Variants in BRK1 observed in about 807,000 individuals in gnomAD.
The protein encoded by BRK1 is BRICK1 subunit of SCAR/WAVE actin nucleating complex.
BRK1 carries 6 observed loss-of-function variants against 9.9 expected under a neutral mutation model. The observed-to-expected ratio is 0.60, with a 90% CI of 0.33 to 1.19. The LOEUF (loss-of-function observed/expected upper bound fraction) is 1.19, where lower values mean the gene tolerates loss of function less well. Ranked by LOEUF, BRK1 falls within the 50% of genes most tolerant of loss-of-function variation. BRK1 has a pLI of 0.04. For missense variants in BRK1, 62 were observed against 97.5 expected, an observed-to-expected ratio of 0.64 and a Z score of 1.53; for synonymous variants, 44 against 31.9, an observed-to-expected ratio of 1.38 and a Z score of -1.28.
Position 10,119,053 on chromosome 3 carries a change from C to T in BRK1, c.118+3234C>T, listed in dbSNP as rs191604791. 8.8e-4 allele frequency among the ~76,000 whole-genome samples: 132 copies of T among 150,116 alleles called. 1 individual carries two copies. Among genetic ancestry groups the T allele is most frequent in the Non-Finnish European group, 1.6e-3 (106 of 67,830 alleles). ...TTGAGACGGAGTCTTGTTCTGTTGCCTGGAGTGCAGTGGTGCGATCTCGGC... is the reference window on the plus strand; with the variant it reads ...TTGAGACGGAGTCTTGTTCTGTTGCTTGGAGTGCAGTGGTGCGATCTCGGC... On this transcript the variant is annotated intron_variant, in intron 1 of 2. Coordinates refer to ENST00000530758, the MANE Select transcript of BRK1 (RefSeq NM_018462.5).
chr3:10,122,566 A>T lies in BRK1; in HGVS notation c.119-3060A>T, dbSNP rs539672169. On this transcript the variant is annotated intron_variant, in intron 1 of 2. Coordinates refer to ENST00000530758, the MANE Select transcript of BRK1 (RefSeq NM_018462.5). Reference sequence around the variant, plus strand: ...TACCAAAACAAAAAACAAAAAAATTAGCCAGGCACAGTGGCATCCACCTAC... The same window carrying T: ...TACCAAAACAAAAAACAAAAAAATTTGCCAGGCACAGTGGCATCCACCTAC... Among the ~76,000 whole-genome samples the T allele has an allele frequency of 1.8e-4, 28 of 152,146 alleles. No individual in the cohort carries two copies. The South Asian group carries it at 2.3e-3, about 12-fold the overall frequency.
rs371111709 is a variant in BRK1, at chr3:10,118,683, C to T, written c.118+2864C>T. The stretch of plus-strand genomic sequence containing the variant: ...TTGTATTTTTAGTAGAGACAGGATT[C>T]GCCATGTTGGCCATGCTGCTCTTGA... On this transcript the variant is annotated intron_variant, in intron 1 of 2. Transcript: ENST00000530758. 2.6e-4 allele frequency among the ~76,000 whole-genome samples: 39 copies of T among 152,018 alleles called. 1 individual carries two copies. Among genetic ancestry groups the T allele is most frequent in the Admixed American group, 4.6e-4 (7 of 15,248 alleles).
intron 1 of BRK1, among the ~76,000 whole-genome samples, 187 bp from the exon 2 acceptor site, chr3:10,125,439 C>G (rs1361783040): frequency 6.6e-6 from 1 of 152,114 alleles, no homozygotes; most frequent in Non-Finnish European, 1.5e-5. Context: ...TTATTCTCTA[C>G]TTGCAACACT....
chr3:10,126,201 GA>G, intron 2 of BRK1, 67 bp from the exon 3 acceptor site: 1 of 1,193,564 alleles, frequency 8.4e-7, no homozygotes, highest in South Asian at 1.7e-5. Flanking sequence ...AGGATCTAAA[GA>G]TTTTTTTTTA....
chr3:10,119,033 A>G (rs1273862302), intron 1 of BRK1, among the ~76,000 whole-genome samples: 3 of 149,276 alleles, frequency 2.0e-5, no homozygotes, highest in African/African-American at 7.4e-5. Context: ...TTTTTTTGAG[A>G]CGGAGTCTTG....
rs1399764689 is a variant in BRK1 at position 10,115,918 on chromosome 3, C to T, written c.118+99C>T. ...GCTTTGAGAGGACTCCCGCAGCCTT[C>T]GGCTGTTGCGGGTTTTCACTTCCTC... On this transcript the variant is annotated intron_variant, in intron 1 of 2. Coordinates refer to ENST00000530758, the MANE Select transcript of BRK1 (RefSeq NM_018462.5). 2.3e-5 allele frequency: 21 copies of T among 926,128 alleles called. No homozygotes were observed. The South Asian group carries it at 2.6e-4, about 11-fold the overall frequency. The allele number at this position is 926,128 out of a possible 1,614,324, so 57.4% of individuals were successfully genotyped here. A position where few individuals can be genotyped will look rare whatever the true frequency, so the allele number is the denominator to read the frequency against.
intron 1 of BRK1, among the ~76,000 whole-genome samples, chr3:10,122,714 A>G (rs1695774997): frequency 6.6e-6 from 1 of 151,990 alleles, no homozygotes; most frequent in East Asian, 1.9e-4. Context: ...GAGCAAGACC[A>G]TGTCTCTTTT....
At chr3:10,126,162 A>G (rs1163584267) in intron 2 of BRK1, 107 bp from the exon 3 acceptor site, 4 of 702,746 alleles carry the variant, frequency 5.7e-6, no homozygotes, top group Non-Finnish European at 9.0e-6. Context: ...CTTCACAGCT[A>G]TCTTCTTTTC....
At chr3:10,121,546 C>CTT (rs112571351) in intron 1 of BRK1, among the ~76,000 whole-genome samples, 2 of 149,600 alleles carry the variant, frequency 1.3e-5, no homozygotes, top group African/African-American at 4.9e-5. Flanking sequence ...CAGAATCCAT[C>CTT]TTTTTTTTTT....
At position 10,115,734 on chromosome 3, in the gene BRK1, G is replaced by A. The variant is rs1255597116; in HGVS notation, c.33G>A (p.Glu11=). The change falls in exon 1 of 3, where the codon GAG becomes GAA. Residue 11 remains glutamate (E), a synonymous_variant. Transcript: ENST00000530758. MAGQEDPVQR[E]IHQDWANREY... is the part of the protein sequence containing the mutation. ...GACAGGAGGATCCGGTGCAGCGGGA[G>A]ATTCACCAGGACTGGGCTAACCGGG... is the stretch of plus-strand genomic sequence containing the variant. 4.3e-6 allele frequency: 7 copies of A among 1,613,882 alleles called. No homozygotes were observed. Among genetic ancestry groups the A allele is most frequent in the South Asian group, 2.2e-5 (2 of 91,088 alleles).
At chr3:10,115,883 C>T (rs1444017074) in intron 1 of BRK1, 64 bp downstream of exon 1, 1 of 1,324,904 alleles carries the variant, frequency 7.5e-7, no homozygotes, top group Non-Finnish European at 1.1e-6. Flanking sequence ...GGCTGGGGCG[C>T]CGGGGAGATG....
At chr3:10,119,423 AC>A (rs1695729460) in intron 1 of BRK1, among the ~76,000 whole-genome samples, 5 of 152,102 alleles carry the variant, frequency 3.3e-5, no homozygotes, top group Admixed American at 3.3e-4. Context: ...GTGCCACTGT[AC>A]TCCAGCCTGG....
rs1695847988 is a variant in BRK1, at chr3:10,126,827, A to G, written c.*532A>G. ...TTGGAGAGGTCAAGGCCAGGCCCCCACTTGGCTTGAAGGGACATTTTCAGA... is the reference window on the plus strand; with the variant it reads ...TTGGAGAGGTCAAGGCCAGGCCCCCGCTTGGCTTGAAGGGACATTTTCAGA... On this transcript the variant is annotated 3_prime_UTR_variant, in exon 3 of 3. Coordinates refer to ENST00000530758, the MANE Select transcript of BRK1 (RefSeq NM_018462.5). 1 of 152,920 alleles carries G rather than the reference A, an allele frequency of 6.5e-6. No homozygotes were observed. Among genetic ancestry groups the G allele is most frequent in the Non-Finnish European group, 1.5e-5 (1 of 68,276 alleles). The allele number at this position is 152,920 out of a possible 1,614,324, so 9.5% of individuals were successfully genotyped here.
rs71626962 is a variant in BRK1 at position 10,123,732 on chromosome 3, C to CTTTTTTTTTTTTTTTTTTTT, written c.119-1892_119-1873dup. ...ACAGGCCTGAGCCACCGTGCCTGGCCTTTTTTTTTTTTTTTTTTTTTGAGA... is the reference window on the plus strand; with the variant it reads ...ACAGGCCTGAGCCACCGTGCCTGGCCTTTTTTTTTTTTTTTTTTTTTTTTTTTTTTTTTTTTTTTTTGAGA... On this transcript the variant is annotated intron_variant, in intron 1 of 2. Coordinates refer to ENST00000530758, the MANE Select transcript of BRK1 (RefSeq NM_018462.5). Among the ~76,000 whole-genome samples the CTTTTTTTTTTTTTTTTTTTT allele has an allele frequency of 1.4e-3, 66 of 48,690 alleles. 12 individuals are homozygous for CTTTTTTTTTTTTTTTTTTTT. The highest frequency in any genetic ancestry group is 6.0e-3 in the African/African-American group (40 of 6,694). 31.9% of individuals were successfully genotyped at this position (48,690 alleles called of 152,430 possible).
At chr3:10,119,621 G>A (rs1166120880) in intron 1 of BRK1, among the ~76,000 whole-genome samples, 1 of 152,160 alleles carries the variant, frequency 6.6e-6, no homozygotes. Flanking sequence ...CATTTACCTT[G>A]TGATTCCTGC....
intron 1 of BRK1, among the ~76,000 whole-genome samples, chr3:10,121,534 A>G (rs970635772): frequency 1.3e-5 from 2 of 148,470 alleles, no homozygotes; most frequent in African/African-American, 5.1e-5. Context: ...CCACTAATAT[A>G]CCAGAATCCA....
rs777514824 is a variant in BRK1 at position 10,126,377 on chromosome 3, C to T, written c.*82C>T. On this transcript the variant is annotated 3_prime_UTR_variant, in exon 3 of 3. Transcript: ENST00000530758. ...AGGCCCCAGCAGCCTTCAGCTCCTT[C>T]CTTTCTCCTTAAAGAGCAACAGGGC... 14 of 1,241,628 alleles carry T rather than the reference C, an allele frequency of 1.1e-5. No individual in the cohort carries two copies. The highest frequency in any genetic ancestry group is 2.2e-4 in the Middle Eastern group (1 of 4,630). The allele number at this position is 1,241,628 out of a possible 1,614,324, so 76.9% of individuals were successfully genotyped here.
At chr3:10,125,179 T>G (rs1405231866) in intron 1 of BRK1, among the ~76,000 whole-genome samples, 1 of 144,876 alleles carries the variant, frequency 6.9e-6, no homozygotes, top group African/African-American at 2.7e-5. Flanking sequence ...CTTGGCTCAC[T>G]GCAACCTTTG....
intron 1 of BRK1, among the ~76,000 whole-genome samples, chr3:10,119,732 TTGG>T (rs1490757605): frequency 6.6e-6 from 1 of 152,204 alleles, no homozygotes; most frequent in Non-Finnish European, 1.5e-5. Context: ...CACTTTGGAA[TTGG>T]TGAAGTTTCT....
Sources: allele counts gnomAD v4.1 joint callset (sites outside exome capture counted in the v4.1 genomes callset), GRCh38; gene constraint gnomAD v4.1.1; transcripts MANE v1.5; gene names NCBI Gene and HGNC (gene_info 2026-07-23, HGNC 2026-07-21).